PPP2R3A: variants seen among roughly 807,000 people sequenced by gnomAD.
PPP2R3A encodes the protein serine/threonine-protein phosphatase 2A regulatory subunit B'' subunit alpha.
A neutral mutation model predicts 106.9 loss-of-function variants in PPP2R3A; 80 were observed. That is an observed-to-expected ratio of 0.75 (90% CI 0.62 to 0.90). The LOEUF (loss-of-function observed/expected upper bound fraction) is 0.90. Among genes scored for constraint, PPP2R3A ranks in the 40% least tolerant of loss-of-function variants. PPP2R3A has a pLI of 0.00. For synonymous variants in PPP2R3A, 483 were observed against 468.3 expected, an observed-to-expected ratio of 1.03 and a Z score of -0.41; for missense variants, 1,386 against 1,350.4, an observed-to-expected ratio of 1.03 and a Z score of -0.41.
intron 13 of PPP2R3A, among the ~76,000 whole-genome samples, chr3:136,142,966 G>C (rs1207122089): frequency 1.3e-5 from 2 of 152,164 alleles, no homozygotes; most frequent in Non-Finnish European, 2.9e-5. Context: ...CATTTCACTT[G>C]CATTAGCGGA....
chr3:136,003,594 A>C (rs1933736624), intron 2 of PPP2R3A, 101 bp downstream of exon 2: 1 of 1,074,168 alleles, frequency 9.3e-7, no homozygotes, highest in African/African-American at 1.6e-5. Flanking sequence ...TTTTTGTTCT[A>C]CTAAAGCTCT....
intron 13 of PPP2R3A, among the ~76,000 whole-genome samples, chr3:136,129,423 T>C (rs1938314238): frequency 6.6e-6 from 1 of 152,076 alleles, no homozygotes; most frequent in Non-Finnish European, 1.5e-5. Context: ...CTAGAAGAAA[T>C]GGATAAATTC....
At chr3:136,087,242 C>CGTGT (rs923472127) in intron 8 of PPP2R3A, among the ~76,000 whole-genome samples, 11 of 67,792 alleles carry the variant, frequency 1.6e-4, no homozygotes, top group Admixed American at 3.4e-4. Context: ...GGTCTCTAGT[C>CGTGT]GTGTCTCTCT....
intron 2 of PPP2R3A, among the ~76,000 whole-genome samples, chr3:136,026,347 A>G (rs1934654873): frequency 6.6e-6 from 1 of 152,172 alleles, no homozygotes; most frequent in African/African-American, 2.4e-5. Context: ...TACCTCAGCA[A>G]AGTCAAACTA....
At chr3:136,022,551 T>A (rs114488298) in intron 2 of PPP2R3A, among the ~76,000 whole-genome samples, 1 of 152,130 alleles carries the variant, frequency 6.6e-6, no homozygotes, top group Non-Finnish European at 1.5e-5. Context: ...TTATAAAATA[T>A]TAAAGAGAAA....
chr3:136,019,228 G>A (rs961417585), intron 2 of PPP2R3A, among the ~76,000 whole-genome samples: 2 of 152,210 alleles, frequency 1.3e-5, no homozygotes, highest in Non-Finnish European at 1.5e-5. Flanking sequence ...GCTGCAGGGA[G>A]CAGGAGAAAA....
chr3:136,038,101 A>G (rs1935148072), intron 3 of PPP2R3A, among the ~76,000 whole-genome samples: 1 of 152,124 alleles, frequency 6.6e-6, no homozygotes, highest in African/African-American at 2.4e-5. Flanking sequence ...CTTTTACCTT[A>G]AATCTTTGAT....
rs530913772 is a variant in PPP2R3A, at chr3:136,015,978, C to T, written c.1996-10854C>T. On this transcript the variant is annotated intron_variant, in intron 2 of 13. Coordinates refer to ENST00000264977, the MANE Select transcript of PPP2R3A (RefSeq NM_002718.5). Reference sequence around the variant, plus strand: ...AATGCTATGAACTTTAATCTTAGCACCACTTTTGCTGTATCCCCGAGGTTT... The same window carrying T: ...AATGCTATGAACTTTAATCTTAGCATCACTTTTGCTGTATCCCCGAGGTTT... 7.9e-5 allele frequency among the ~76,000 whole-genome samples: 12 copies of T among 152,156 alleles called. No individual in the cohort carries two copies. In the South Asian group the frequency reaches 2.3e-3, roughly 29 times the overall value.
At chr3:136,133,890 CAAA>C (rs34515503) in intron 13 of PPP2R3A, among the ~76,000 whole-genome samples, 4 of 55,428 alleles carry the variant, frequency 7.2e-5, no homozygotes, top group Non-Finnish European at 1.2e-4. Context: ...AACTCCATCT[CAAA>C]AAAAAAAAAA....
At chr3:136,061,645 G>A (rs959249824) in intron 5 of PPP2R3A, among the ~76,000 whole-genome samples, 1 of 151,380 alleles carries the variant, frequency 6.6e-6, no homozygotes, top group Admixed American at 6.6e-5. Flanking sequence ...GCGAGGCCGG[G>A]CACAGTGGCT....
intron 13 of PPP2R3A, among the ~76,000 whole-genome samples, chr3:136,116,078 G>A (rs1444081584): frequency 6.6e-6 from 1 of 152,196 alleles, no homozygotes; most frequent in African/African-American, 2.4e-5. Context: ...GAAGAAGAAA[G>A]TGGGGACTGA....
intron 13 of PPP2R3A, among the ~76,000 whole-genome samples, chr3:136,108,959 A>G (rs1034055514): frequency 2.0e-5 from 3 of 152,180 alleles, no homozygotes; most frequent in African/African-American, 4.8e-5. Context: ...TTTAAAAAGT[A>G]CATAATCATA....
chr3:136,081,108 T>C (rs1395647853), intron 7 of PPP2R3A, among the ~76,000 whole-genome samples: 2 of 152,064 alleles, frequency 1.3e-5, no homozygotes, highest in Non-Finnish European at 1.5e-5. Flanking sequence ...ATTTTCTGCC[T>C]CAGCCTCCCA....
At chr3:135,971,926 CAGTTCCTGAGTAT>C (rs2107746657) in intron 1 of PPP2R3A, among the ~76,000 whole-genome samples, 1 of 152,224 alleles carries the variant, frequency 6.6e-6, no homozygotes, top group South Asian at 2.1e-4. Flanking sequence ...GACTTGGAGT[CAGTTCCTGAGTAT>C]AGTTCCTGGA....
chr3:136,061,286 A>G (rs1045800005), intron 5 of PPP2R3A, among the ~76,000 whole-genome samples: 3 of 152,214 alleles, frequency 2.0e-5, no homozygotes, highest in Admixed American at 6.5e-5. Context: ...CAAATAAAAT[A>G]ATACAGAATC....
chr3:135,977,416 A>G (rs1937447175), intron 1 of PPP2R3A, among the ~76,000 whole-genome samples: 1 of 151,768 alleles, frequency 6.6e-6, no homozygotes, highest in African/African-American at 2.4e-5. Context: ...GCAAACATAC[A>G]GTCGTTAGAA....
At chr3:136,131,728 C>T (rs1253746734) in intron 13 of PPP2R3A, among the ~76,000 whole-genome samples, 1 of 152,138 alleles carries the variant, frequency 6.6e-6, no homozygotes, top group Admixed American at 6.5e-5. Flanking sequence ...CATATTGTGG[C>T]ACTATTTGCA....
intron 13 of PPP2R3A, among the ~76,000 whole-genome samples, chr3:136,108,072 G>T (rs762008108): frequency 6.6e-6 from 1 of 152,132 alleles, no homozygotes; most frequent in Non-Finnish European, 1.5e-5. Flanking sequence ...AGTTAGCCAG[G>T]TGTGATGGTG....
At chr3:136,046,376 C>A (rs1935470349) in intron 4 of PPP2R3A, among the ~76,000 whole-genome samples, 1 of 151,958 alleles carries the variant, frequency 6.6e-6, no homozygotes, top group African/African-American at 2.4e-5. Context: ...ATCATTTGAA[C>A]CTGGGAGGCA....
Sources: allele counts gnomAD v4.1 joint callset (sites outside exome capture counted in the v4.1 genomes callset), GRCh38; gene constraint gnomAD v4.1.1; transcripts MANE v1.5; gene names NCBI Gene and HGNC (gene_info 2026-07-23, HGNC 2026-07-21).